The following PRDM16 variants were observed in gnomAD, a reference collection of about 807,000 sequenced individuals.
PRDM16 encodes PR/SET domain 16, also known as histone-lysine N-methyltransferase PRDM16.
A neutral mutation model predicts 110.6 loss-of-function variants in PRDM16; 23 were observed. The ratio of observed to expected loss-of-function variants is 0.21; its 90% CI spans 0.15 to 0.29. The LOEUF (loss-of-function observed/expected upper bound fraction) is 0.29. Among genes scored for constraint, PRDM16 ranks in the 10% least tolerant of loss-of-function variants. The pLI, the probability that PRDM16 is intolerant of heterozygous loss-of-function variation, is 1.00. For missense variants in PRDM16, 1,615 were observed against 1,794.3 expected (o/e 0.90, Z 1.81); for synonymous variants, 799 against 781.8 (o/e 1.02, Z -0.37).
At chr1:3,411,292 G>A (rs561019138) in intron 8 of PRDM16, 92 bp from the exon 9 acceptor site, 16 of 1,389,222 alleles carry the variant, frequency 1.2e-5, no homozygotes, top group Admixed American at 4.1e-5. Flanking sequence ...CCCCTCCAGC[G>A]GCTGGCTTTC....
At chr1:3,231,563 C>G (rs780340627) in intron 2 of PRDM16, among the ~76,000 whole-genome samples, 1 of 152,224 alleles carries the variant, frequency 6.6e-6, no homozygotes, top group South Asian at 2.1e-4. Context: ...GCTTGGGGCC[C>G]AGGATTATTT....
Position 3,414,645 on chromosome 1 carries a change from C to G in PRDM16, c.2689C>G (p.Gln897Glu). 1.2e-6 allele frequency: 2 copies of G among 1,612,360 alleles called. No homozygotes were observed. The highest frequency in any genetic ancestry group is 1.7e-6 in the Non-Finnish European group (2 of 1,179,248). The change falls in exon 10 of 17, where the codon CAG (glutamine) becomes GAG (glutamate). Residue 897 changes from glutamine (Q) to glutamate (E), a missense_variant and splice_region_variant. Gln to Glu is a conservative substitution (Grantham distance 29). Transcript: ENST00000270722. Reference sequence around the variant, plus strand: ...GCCGTCCCCGCTGCTCTTCCACCCCCAGGTACGTCCTCAGTGCAGGTCAGG... The same window carrying G: ...GCCGTCCCCGCTGCTCTTCCACCCCGAGGTACGTCCTCAGTGCAGGTCAGG... Reference protein sequence around the residue: ...LRPSPLLFHPQMSAIETMTEK... With the variant: ...LRPSPLLFHPEMSAIETMTEK...
rs74484450 is a variant in PRDM16 at position 3,201,565 on chromosome 1, G to A, written c.387+15091G>A. Among the ~76,000 whole-genome samples, 3,356 of 152,294 alleles carry A rather than the reference G, an allele frequency of 0.022. 102 individuals carry two copies. The highest frequency in any genetic ancestry group is 0.15 in the South Asian group (730 of 4,824). Reference sequence around the variant, plus strand: ...TGTGGGGAGGACAGGAGGGCCACCCGGGGCAGCTGCCCTCTGAGGGACTTT... The same window carrying A: ...TGTGGGGAGGACAGGAGGGCCACCCAGGGCAGCTGCCCTCTGAGGGACTTT... On this transcript the variant is annotated intron_variant, in intron 2 of 16. Transcript: ENST00000270722. The surrounding 1 kb of genome is among the most constrained non-coding windows in gnomAD (Gnocchi z 4.1).
At chr1:3,186,921 C>T (rs927533461) in intron 2 of PRDM16, among the ~76,000 whole-genome samples, 6 of 152,214 alleles carry the variant, frequency 3.9e-5, no homozygotes, top group African/African-American at 9.6e-5. Context: ...CCGTCTTCCC[C>T]GCCTGCCCCG....
chr1:3,240,422 A>C (rs1160311833), intron 2 of PRDM16, among the ~76,000 whole-genome samples: 1 of 151,420 alleles, frequency 6.6e-6, no homozygotes, highest in African/African-American at 2.4e-5. Flanking sequence ...AAAAAAAAAA[A>C]ACAGAAAAAG....
intron 1 of PRDM16, among the ~76,000 whole-genome samples, chr1:3,114,340 GCACGCATGCACACATGCACA>G (rs1642887949): frequency 7.8e-6 from 1 of 128,884 alleles, no homozygotes; most frequent in African/African-American, 3.1e-5. Flanking sequence ...AAACAGACGC[GCACGCATGCACACATGCACA>G]CACGCACACA....
intron 1 of PRDM16, among the ~76,000 whole-genome samples, chr1:3,145,029 G>C (rs376732902): frequency 1.3e-5 from 2 of 152,164 alleles, no homozygotes; most frequent in Admixed American, 6.5e-5. Context: ...CTGCCCACTC[G>C]TCTTGGAAGG....
rs116162025 is a variant in PRDM16 at position 3,167,342 on chromosome 1, G to T, written c.38-18783G>T. 3.8e-3 allele frequency among the ~76,000 whole-genome samples: 574 copies of T among 152,274 alleles called. 3 individuals are homozygous for T. The highest frequency in any genetic ancestry group is 0.013 in the African/African-American group (534 of 41,540). On this transcript the variant is annotated intron_variant, in intron 1 of 16. Coordinates refer to ENST00000270722, the MANE Select transcript of PRDM16 (RefSeq NM_022114.4). Reference sequence around the variant, plus strand: ...TCCGTCATCCGCAGAACTCAAAGCTGCTCCCAGTTTTCTGGGAATTCAGGC... The same window carrying T: ...TCCGTCATCCGCAGAACTCAAAGCTTCTCCCAGTTTTCTGGGAATTCAGGC...
At chr1:3,189,740 C>T (rs563721596) in intron 2 of PRDM16, among the ~76,000 whole-genome samples, 1 of 152,206 alleles carries the variant, frequency 6.6e-6, no homozygotes, top group Non-Finnish European at 1.5e-5. Context: ...ACTCTGAGCT[C>T]AGAAGTGGGA....
chr1:3,228,760 G>A (rs76543382), intron 2 of PRDM16, among the ~76,000 whole-genome samples: 3,751 of 152,198 alleles, frequency 0.025, 118 homozygotes, highest in African/African-American at 0.074. Flanking sequence ...CCCTCTGCCC[G>A]TCCACCTGCA....
intron 3 of PRDM16, among the ~76,000 whole-genome samples, chr1:3,362,459 G>A (rs1183330032): frequency 6.6e-6 from 1 of 152,156 alleles, no homozygotes; most frequent in Non-Finnish European, 1.5e-5. Context: ...GCCCGGGAGT[G>A]GGGCAGGCAG....
At chr1:3,362,167 C>G (rs1642726705) in intron 3 of PRDM16, among the ~76,000 whole-genome samples, 1 of 152,258 alleles carries the variant, frequency 6.6e-6, no homozygotes, top group Non-Finnish European at 1.5e-5. Flanking sequence ...GTGGCCTCAA[C>G]TCCTTCCCCT....
At chr1:3,198,915 TCA>T (rs1638549593) in intron 2 of PRDM16, among the ~76,000 whole-genome samples, 1 of 152,216 alleles carries the variant, frequency 6.6e-6, no homozygotes, top group Admixed American at 6.5e-5. Flanking sequence ...TTCCGGCTTA[TCA>T]GCACCGTAAT....
At chr1:3,074,447 G>T (rs986673593) in intron 1 of PRDM16, among the ~76,000 whole-genome samples, 4 of 152,120 alleles carry the variant, frequency 2.6e-5, no homozygotes, top group African/African-American at 7.2e-5. Context: ...GTGTGTGCGT[G>T]TCAGGGTTTA....
At chr1:3,310,856 TAA>T (rs994987234) in intron 3 of PRDM16, among the ~76,000 whole-genome samples, 34 of 152,070 alleles carry the variant, frequency 2.2e-4, no homozygotes, top group African/African-American at 7.5e-4. Context: ...TGTGCACATA[TAA>T]GTGTGTGTGC....
intron 1 of PRDM16, among the ~76,000 whole-genome samples, chr1:3,114,490 ACG>A (rs1183530488): frequency 1.2e-3 from 181 of 149,186 alleles, no homozygotes; most frequent in South Asian, 4.5e-3. Flanking sequence ...ACACGCACGC[ACG>A]CACACACGCG....
chr1:3,229,928 GA>G (rs1639368853), intron 2 of PRDM16, among the ~76,000 whole-genome samples: 1 of 152,204 alleles, frequency 6.6e-6, no homozygotes, highest in Non-Finnish European at 1.5e-5. Context: ...AGCAAGGAAA[GA>G]TGGTGCAAAA....
chr1:3,240,983 C>T lies in PRDM16; in HGVS notation c.388-3104C>T, dbSNP rs535550769. On this transcript the variant is annotated intron_variant, in intron 2 of 16. Transcript: ENST00000270722. ...AGGTTGAGAGCGCGGCGGCCGCTGC[C>T]AGCAATCGAGGAGCCAGCGGCGCGT... Among the ~76,000 whole-genome samples, 18 of 152,332 alleles carry T rather than the reference C, an allele frequency of 1.2e-4. 1 individual carries two copies. The South Asian group carries it at 3.3e-3, about 28-fold the overall frequency.
chr1:3,403,666 G>A lies in PRDM16; in HGVS notation c.884+668G>A, dbSNP rs1416233320. ...GGGGCCTGGGCGGCCTTGGGGACCT[G>A]TGGCCCCCGGGAAAGACAAGATTCC... is the stretch of plus-strand genomic sequence containing the variant. On this transcript the variant is annotated intron_variant, in intron 6 of 16. Transcript: ENST00000270722. Among the ~76,000 whole-genome samples the A allele has an allele frequency of 3.3e-5, 5 of 152,354 alleles. No individual in the cohort carries two copies. The East Asian group carries it at 9.6e-4, about 29-fold the overall frequency.
Sources: gnomAD v4.1 joint callset for allele counts (sites outside exome capture counted in the v4.1 genomes callset) on GRCh38, gnomAD v4.1.1 for gene constraint, Gnocchi (gnomAD v3.1) non-coding constraint, MANE v1.5 for transcripts, NCBI Gene and HGNC (gene_info 2026-07-23, HGNC 2026-07-21) for gene names.